Variants in PRTG observed in about 807,000 individuals in gnomAD.
PRTG encodes the protein protogenin.
PRTG carries 67 observed loss-of-function variants against 122.5 expected under a neutral mutation model. The observed-to-expected ratio is 0.55, with a 90% CI of 0.45 to 0.67. PRTG has a LOEUF of 0.67. Among genes scored for constraint, PRTG ranks in the 30% least tolerant of loss-of-function variants. The pLI is 0.00. For synonymous variants in PRTG, 554 were observed against 501.1 expected, an observed-to-expected ratio of 1.11 and a Z score of -1.41; for missense variants, 1,435 against 1,415.4, an observed-to-expected ratio of 1.01 and a Z score of -0.22.
At chr15:55,642,081 G>T in intron 11 of PRTG, among the ~76,000 whole-genome samples, 1 of 149,412 alleles carries the variant, frequency 6.7e-6, no homozygotes, top group Non-Finnish European at 1.5e-5. Context: ...GGCTGAGGCA[G>T]GAGAATGGCG....
chr15:55,731,560 G>A (rs2031234822), intron 2 of PRTG, among the ~76,000 whole-genome samples: 2 of 151,254 alleles, frequency 1.3e-5, no homozygotes, highest in South Asian at 2.1e-4. Flanking sequence ...TAGTAGAGAT[G>A]GGGTTTCACC....
At position 55,619,678 on chromosome 15, in the gene PRTG, C is replaced by G. The variant is rs945833169; in HGVS notation, c.*334G>C. ...TTATAATCCAGTCAAACATCTCGAC[C>G]GTTCTTTCACATTGCTGACAATGAA... On this transcript the variant is annotated 3_prime_UTR_variant, in exon 20 of 20. Coordinates refer to ENST00000389286, the MANE Select transcript of PRTG (RefSeq NM_173814.6). The G allele has an allele frequency of 4.2e-6, 1 of 238,140 alleles. No homozygotes were observed. The highest frequency in any genetic ancestry group is 2.3e-5 in the African/African-American group (1 of 44,034). The allele number at this position is 238,140 out of a possible 1,614,324, so 14.8% of individuals were successfully genotyped here.
intron 2 of PRTG, among the ~76,000 whole-genome samples, chr15:55,695,136 C>T (rs2059625363): frequency 6.6e-6 from 1 of 151,974 alleles, no homozygotes. Context: ...GAAAAAAAAA[C>T]ATTAAAAATG....
intron 2 of PRTG, among the ~76,000 whole-genome samples, chr15:55,717,264 C>A (rs1192353963): frequency 1.3e-5 from 2 of 152,082 alleles, no homozygotes; most frequent in African/African-American, 4.8e-5. Context: ...AACCATGTTA[C>A]AATGAACCAT....
intron 11 of PRTG, among the ~76,000 whole-genome samples, chr15:55,667,467 T>C (rs1323883100): frequency 6.6e-6 from 1 of 152,144 alleles, no homozygotes; most frequent in Non-Finnish European, 1.5e-5. Flanking sequence ...GTATCAATCA[T>C]ATTTGGCATT....
At chr15:55,685,123 A>C (rs1024779503) in intron 2 of PRTG, among the ~76,000 whole-genome samples, 1 of 152,036 alleles carries the variant, frequency 6.6e-6, no homozygotes, top group Non-Finnish European at 1.5e-5. Flanking sequence ...TCAAAGAAAA[A>C]TTTGTTTGAA....
chr15:55,740,360 A>G, intron 2 of PRTG, 22 bp downstream of exon 2: 1 of 1,555,360 alleles, frequency 6.4e-7, no homozygotes, highest in Non-Finnish European at 8.7e-7. Context: ...AAATGTCAAC[A>G]ACTAAAAACT....
intron 11 of PRTG, among the ~76,000 whole-genome samples, chr15:55,647,884 T>C (rs2059332722): frequency 6.6e-6 from 1 of 152,210 alleles, no homozygotes; most frequent in African/African-American, 2.4e-5. Flanking sequence ...TATTCTCTGG[T>C]GTATAGAGCA....
Position 55,638,590 on chromosome 15 carries a change from C to G in PRTG, c.2411G>C (p.Ser804Thr). 1 of 1,613,538 alleles carries G rather than the reference C, an allele frequency of 6.2e-7. No homozygotes were observed. The highest frequency in any genetic ancestry group is 8.5e-7 in the Non-Finnish European group (1 of 1,179,602). ...ATGGTAGACTACAGGGCTCCAAGGA[C>G]TGGAAAGCTGATCCACATGTAATCG... ...AVRLHVDQLS[S>T]PWSPVVYHST... is the part of the protein sequence containing the mutation. The change falls in exon 14 of 20, where the codon AGT becomes ACT. Residue 804 changes from serine to threonine, a missense_variant. Coordinates refer to ENST00000389286, the MANE Select transcript of PRTG (RefSeq NM_173814.6).
intron 2 of PRTG, among the ~76,000 whole-genome samples, chr15:55,729,428 TAGAC>T (rs1259050259): frequency 4.6e-5 from 7 of 152,072 alleles, no homozygotes; most frequent in African/African-American, 1.2e-4. Flanking sequence ...TTTCTGGAAT[TAGAC>T]AGTGGTGAGG....
intron 2 of PRTG, among the ~76,000 whole-genome samples, chr15:55,730,818 C>T (rs962217621): frequency 1.3e-5 from 2 of 152,114 alleles, no homozygotes; most frequent in African/African-American, 4.8e-5. Flanking sequence ...AAAGTCACGA[C>T]TATAATAACA....
chr15:55,687,681 G>A (rs1423852313), intron 2 of PRTG, among the ~76,000 whole-genome samples: 2 of 151,992 alleles, frequency 1.3e-5, no homozygotes, highest in East Asian at 3.9e-4. Flanking sequence ...TGAAAACTCT[G>A]GTTTTCAGAA....
rs932655024 is a variant in PRTG, at chr15:55,624,291, G to C, written c.3093+51C>G. ...GGGGGAAGTACATTTTACACACACA[G>C]GGAGGAGGAATGGAAGAACGGCTTA... is the stretch of plus-strand genomic sequence containing the variant. On this transcript the variant is annotated intron_variant, in intron 18 of 19. Coordinates refer to ENST00000389286, the MANE Select transcript of PRTG (RefSeq NM_173814.6). 7 of 1,552,086 alleles carry C rather than the reference G, an allele frequency of 4.5e-6. No individual in the cohort carries two copies. The African/African-American group carries it at 8.1e-5, about 18-fold the overall frequency.
rs771659504 is a variant in PRTG, at chr15:55,678,008, A to G, written c.1170T>C (p.Asp390=). Residue 390 remains aspartate (D), a synonymous_variant, in exon 8 of 20, where the codon GAT becomes GAC. Transcript: ENST00000389286. ...LVINQIIPED[D]AIYQCMAENS... The stretch of plus-strand genomic sequence containing the variant: ...TCTCAGCCATGCACTGATAAATAGC[A>G]TCATCTTCAGGAATAATCTGGTTAA... The G allele has an allele frequency of 6.9e-6, 11 of 1,600,380 alleles. No individual in the cohort carries two copies. The Admixed American group carries it at 1.3e-4, about 19-fold the overall frequency.
chr15:55,689,382 G>T (rs752965738), intron 2 of PRTG, among the ~76,000 whole-genome samples: 43 of 151,782 alleles, frequency 2.8e-4, no homozygotes, highest in Non-Finnish European at 4.9e-4. Flanking sequence ...CATAGCAAAA[G>T]AAAAAAAATC....
intron 2 of PRTG, among the ~76,000 whole-genome samples, chr15:55,725,006 T>G (rs757015940): frequency 3.3e-5 from 5 of 152,220 alleles, no homozygotes; most frequent in Non-Finnish European, 7.3e-5. Flanking sequence ...TGTCACTATG[T>G]AGGCAACTAG....
intron 14 of PRTG, among the ~76,000 whole-genome samples, 179 bp downstream of exon 14, chr15:55,638,370 A>T (rs2059269789): frequency 6.6e-6 from 1 of 152,212 alleles, no homozygotes; most frequent in Admixed American, 6.5e-5. Context: ...AGAAGAAAAA[A>T]TTTAAATAAA....
intron 15 of PRTG, among the ~76,000 whole-genome samples, chr15:55,635,971 T>C (rs531838064): frequency 9.2e-5 from 14 of 152,210 alleles, no homozygotes; most frequent in African/African-American, 3.4e-4. Context: ...GCCAAAATAA[T>C]GAAGTTTTAC....
chr15:55,738,025 TACACAC>T (rs869067847), intron 2 of PRTG, among the ~76,000 whole-genome samples: 27 of 95,682 alleles, frequency 2.8e-4, no homozygotes, highest in Non-Finnish European at 4.0e-4. Flanking sequence ...TATATATATA[TACACAC>T]ACACACACAC....
Sources: allele counts gnomAD v4.1 joint callset (sites outside exome capture counted in the v4.1 genomes callset), GRCh38; gene constraint gnomAD v4.1.1; transcripts MANE v1.5; gene names NCBI Gene and HGNC (gene_info 2026-07-23, HGNC 2026-07-21).